RBFOX1: variants seen among roughly 807,000 people sequenced by gnomAD.
RBFOX1 encodes the protein RNA binding protein fox-1 homolog 1.
RBFOX1 carries 8 observed loss-of-function variants against 57.7 expected under a neutral mutation model. The observed-to-expected ratio is 0.14, with a 90% CI of 0.08 to 0.25. The LOEUF is 0.25. RBFOX1 is among the 10% of genes least tolerant of loss of function. The pLI, the probability that RBFOX1 is intolerant of heterozygous loss-of-function variation, is 1.00. For synonymous variants in RBFOX1, 326 were observed against 222.4 expected, an observed-to-expected ratio of 1.47 and a Z score of -4.15; for missense variants, 611 against 548.5, an observed-to-expected ratio of 1.11 and a Z score of -1.14.
intron 5 of RBFOX1, among the ~76,000 whole-genome samples, chr16:7,565,315 A>G (rs1805783547): frequency 6.6e-6 from 1 of 152,184 alleles, no homozygotes. Flanking sequence ...CACATTCAAT[A>G]TAGTTACATT....
At chr16:7,549,578 A>C (rs2152535795) in intron 5 of RBFOX1, among the ~76,000 whole-genome samples, 1 of 152,344 alleles carries the variant, frequency 6.6e-6, no homozygotes, top group East Asian at 1.9e-4. Context: ...AGGGAAGCTG[A>C]CAGTGAAACC....
chr16:5,697,110 T>G (rs996734271), intron 3 of RBFOX1, among the ~76,000 whole-genome samples: 55 of 152,256 alleles, frequency 3.6e-4, no homozygotes, highest in African/African-American at 1.3e-3. Context: ...GGGTAGTTTT[T>G]TCTCATATAA....
At chr16:6,231,852 T>G (rs1456579324) in intron 1 of RBFOX1, among the ~76,000 whole-genome samples, 5 of 92,760 alleles carry the variant, frequency 5.4e-5, no homozygotes, top group African/African-American at 1.5e-4. Flanking sequence ...TTTTTTTTTT[T>G]GTCCTGGTAT....
chr16:6,264,673 G>A (rs1048323944), intron 1 of RBFOX1, among the ~76,000 whole-genome samples: 2 of 152,082 alleles, frequency 1.3e-5, no homozygotes, highest in Admixed American at 6.6e-5. Flanking sequence ...TCAGTAATCC[G>A]GATCACTGGA....
At chr16:7,459,253 A>C (rs1385510828) in intron 4 of RBFOX1, among the ~76,000 whole-genome samples, 1 of 152,148 alleles carries the variant, frequency 6.6e-6, no homozygotes, top group Non-Finnish European at 1.5e-5. Context: ...CTAGACATTG[A>C]GTTTTAGGAT....
chr16:7,219,462 G>A (rs151181452), intron 4 of RBFOX1, among the ~76,000 whole-genome samples: 3 of 152,278 alleles, frequency 2.0e-5, no homozygotes, highest in Non-Finnish European at 4.4e-5. Flanking sequence ...TGCTCCAACC[G>A]TGTTCATTTA....
intron 1 of RBFOX1, among the ~76,000 whole-genome samples, chr16:6,136,450 A>G (rs2096668180): frequency 6.6e-6 from 1 of 152,198 alleles, no homozygotes; most frequent in African/African-American, 2.4e-5. Flanking sequence ...AAAAGAAAGC[A>G]TGGAGAATTG....
chr16:6,892,776 C>CTCTG (rs1491235918), intron 3 of RBFOX1, among the ~76,000 whole-genome samples: 11 of 10,112 alleles, frequency 1.1e-3, no homozygotes, highest in African/African-American at 2.8e-3. Flanking sequence ...CCCTGTCTCC[C>CTCTG]TCTCTCTCTC....
chr16:6,076,232 G>A (rs2095897716), intron 1 of RBFOX1, among the ~76,000 whole-genome samples: 1 of 151,792 alleles, frequency 6.6e-6, no homozygotes, highest in South Asian at 2.1e-4. Flanking sequence ...CCGGGAGGCG[G>A]AAGTTGCAGT....
chr16:7,015,146 T>C (rs187976327), intron 3 of RBFOX1, among the ~76,000 whole-genome samples: 58 of 152,316 alleles, frequency 3.8e-4, no homozygotes, highest in African/African-American at 1.3e-3. Flanking sequence ...CTCTTTTTCC[T>C]TTCTTCTTAG....
chr16:7,558,223 G>A (rs1423561868), intron 5 of RBFOX1, among the ~76,000 whole-genome samples: 2 of 151,928 alleles, frequency 1.3e-5, no homozygotes, highest in Non-Finnish European at 2.9e-5. Flanking sequence ...GTATGTTGGT[G>A]CACACCTGTA....
At chr16:6,495,495 C>G (rs751187093) in intron 2 of RBFOX1, among the ~76,000 whole-genome samples, 1 of 151,898 alleles carries the variant, frequency 6.6e-6, no homozygotes, top group African/African-American at 2.4e-5. Flanking sequence ...TGTGGGTTGG[C>G]TGAGACAGTA....
chr16:6,403,564 A>C (rs569645387), intron 2 of RBFOX1, among the ~76,000 whole-genome samples: 1 of 152,174 alleles, frequency 6.6e-6, no homozygotes, highest in South Asian at 2.1e-4. Context: ...TGGTCTCACT[A>C]TGCTGATCTC....
chr16:5,359,936 G>GT (rs34801270), intron 1 of RBFOX1, among the ~76,000 whole-genome samples: 1 of 152,020 alleles, frequency 6.6e-6, no homozygotes. Flanking sequence ...TCTTGATTAT[G>GT]TTTTTTTCTC....
Position 6,603,249 on chromosome 16 carries a change from A to G in RBFOX1, c.-63-51354A>G, listed in dbSNP as rs111558070. 9.7e-3 allele frequency among the ~76,000 whole-genome samples: 1,480 copies of G among 152,266 alleles called. 28 individuals are homozygous for G. The highest frequency in any genetic ancestry group is 0.033 in the African/African-American group (1,366 of 41,556). Reference sequence around the variant, plus strand: ...AGTATATGGCAGAACTCAGTCATCTAAAGGAGAGACTGACCCCGGGGAAAG... The same window carrying G: ...AGTATATGGCAGAACTCAGTCATCTGAAGGAGAGACTGACCCCGGGGAAAG... On this transcript the variant is annotated intron_variant, in intron 2 of 15. Transcript: ENST00000550418.
At chr16:5,469,284 C>G (rs773089746) in intron 2 of RBFOX1, among the ~76,000 whole-genome samples, 4 of 152,136 alleles carry the variant, frequency 2.6e-5, no homozygotes, top group Non-Finnish European at 5.9e-5. Context: ...AGCACACCCC[C>G]CATGTAGACA....
intron 3 of RBFOX1, among the ~76,000 whole-genome samples, chr16:6,671,168 C>T (rs1194413387): frequency 6.6e-6 from 1 of 152,130 alleles, no homozygotes; most frequent in Non-Finnish European, 1.5e-5. Context: ...AAAAGGACAC[C>T]TGGACTGAGC....
At chr16:6,715,876 T>G (rs1228618768) in intron 3 of RBFOX1, among the ~76,000 whole-genome samples, 1 of 152,182 alleles carries the variant, frequency 6.6e-6, no homozygotes. Flanking sequence ...TGAAGCCCCT[T>G]TGGGGTCAAG....
intron 3 of RBFOX1, among the ~76,000 whole-genome samples, chr16:6,702,191 A>C (rs974676856): frequency 2.0e-5 from 3 of 152,192 alleles, no homozygotes. Flanking sequence ...CATGATCCAG[A>C]CACCTCCCAG....
Sources: gnomAD v4.1 joint callset for allele counts (sites outside exome capture counted in the v4.1 genomes callset) on GRCh38, gnomAD v4.1.1 for gene constraint, MANE v1.5 for transcripts, NCBI Gene and HGNC (gene_info 2026-07-23, HGNC 2026-07-21) for gene names.